The following SAMD12 variants were observed in gnomAD, a reference collection of about 807,000 sequenced individuals.
The protein encoded by SAMD12 is sterile alpha motif domain containing 12.
A neutral mutation model predicts 15.0 loss-of-function variants in SAMD12; 9 were observed. That is an observed-to-expected ratio of 0.60 (90% CI 0.36 to 1.05). The LOEUF is 1.05. Ranked by LOEUF, SAMD12 falls within the 50% of genes least tolerant of loss-of-function variation. The pLI is 0.01. For missense variants in SAMD12, 230 were observed against 234.2 expected (o/e 0.98, Z 0.12); for synonymous variants, 86 against 90.1 (o/e 0.96, Z 0.25).
chr8:118,537,590 A>AT lies in SAMD12; in HGVS notation c.192+43124dup, dbSNP rs538955479. ...CACTGATGCATTCTTCAGTATGTCA[A>AT]TTGCATTTTTCAGCTCCAAAATTTC... On this transcript the variant is annotated intron_variant, in intron 2 of 3. Coordinates refer to ENST00000314727, the MANE Select transcript of SAMD12 (RefSeq NM_207506.3). Among the ~76,000 whole-genome samples, 467 of 152,292 alleles carry AT rather than the reference A, an allele frequency of 3.1e-3. 3 individuals carry two copies. Among genetic ancestry groups the AT allele is most frequent in the African/African-American group, 0.011 (439 of 41,548 alleles).
At position 118,586,578 on chromosome 8, in the gene SAMD12, A is replaced by C. The variant is rs145958814; in HGVS notation, c.14-5685T>G. ...GGCTGGTCTTAGACTCCTGGGCTCA[A>C]GCGACCTGCCCACCTCGACCTCCCA... On this transcript the variant is annotated intron_variant, in intron 1 of 3. Coordinates refer to ENST00000314727, the MANE Select transcript of SAMD12 (RefSeq NM_207506.3). 1.6e-3 allele frequency among the ~76,000 whole-genome samples: 245 copies of C among 152,260 alleles called. 2 individuals carry two copies. Among genetic ancestry groups the C allele is most frequent in the Non-Finnish European group, 2.1e-4 (14 of 68,014 alleles).
intron 2 of SAMD12, among the ~76,000 whole-genome samples, chr8:118,461,118 A>G (rs1338229704): frequency 6.6e-6 from 1 of 152,194 alleles, no homozygotes; most frequent in African/African-American, 2.4e-5. Flanking sequence ...TTGTTCTCAC[A>G]GTTCTTGGTA....
intron 4 of SAMD12, among the ~76,000 whole-genome samples, chr8:118,337,000 G>C (rs1202418911): frequency 6.6e-6 from 1 of 152,046 alleles, no homozygotes; most frequent in African/African-American, 2.4e-5. Context: ...ATCACACACT[G>C]GGTCCTGTAG....
At chr8:118,526,460 A>T (rs911356484) in intron 2 of SAMD12, among the ~76,000 whole-genome samples, 1 of 152,080 alleles carries the variant, frequency 6.6e-6, no homozygotes, top group African/African-American at 2.4e-5. Context: ...TCTGGGATGA[A>T]GCCCAGAGAC....
rs531277684 is a variant in SAMD12, at chr8:118,379,226, A to G, written c.*191T>C. On this transcript the variant is annotated 3_prime_UTR_variant, in exon 4 of 4. Transcript: ENST00000314727. ...CAGTTGTGCAGGCTGCACATTATAC[A>G]ACTCTAGTGAGTGCAATCGTACCCT... is the stretch of plus-strand genomic sequence containing the variant. 1 of 1,409,504 alleles carries G rather than the reference A, an allele frequency of 7.1e-7. No homozygotes were observed. Among genetic ancestry groups the G allele is most frequent in the African/African-American group, 1.4e-5 (1 of 69,204 alleles). The allele number at this position is 1,409,504 out of a possible 1,614,324, so 87.3% of individuals were successfully genotyped here.
chr8:118,242,521 A>G (rs970386287), intron 4 of SAMD12, among the ~76,000 whole-genome samples: 4 of 152,148 alleles, frequency 2.6e-5, no homozygotes, highest in Non-Finnish European at 4.4e-5. Context: ...CTATTATATT[A>G]GTTGTTGTTA....
intron 1 of SAMD12, among the ~76,000 whole-genome samples, chr8:118,585,158 C>A (rs977481923): frequency 2.0e-5 from 3 of 152,136 alleles, no homozygotes; most frequent in African/African-American, 7.2e-5. Flanking sequence ...CATGCATGAA[C>A]CTTGAAGACA....
At chr8:118,290,525 C>A (rs1047933867) in intron 4 of SAMD12, among the ~76,000 whole-genome samples, 1 of 152,164 alleles carries the variant, frequency 6.6e-6, no homozygotes, top group African/African-American at 2.4e-5. Flanking sequence ...GCCAAGAAAT[C>A]ATATTAACCC....
chr8:118,266,639 T>C (rs1305214551), intron 4 of SAMD12, among the ~76,000 whole-genome samples: 1 of 152,158 alleles, frequency 6.6e-6, no homozygotes, highest in Non-Finnish European at 1.5e-5. Flanking sequence ...ATATGCACAA[T>C]GCAATCCTAT....
intron 1 of SAMD12, among the ~76,000 whole-genome samples, chr8:118,585,655 A>G (rs1827420827): frequency 6.6e-6 from 1 of 152,208 alleles, no homozygotes; most frequent in Non-Finnish European, 1.5e-5. Flanking sequence ...TTATAGCTCA[A>G]AAGTATGAGG....
Position 118,479,014 on chromosome 8 carries a change from G to A in SAMD12, c.193-39053C>T, listed in dbSNP as rs1343276615. Reference sequence around the variant, plus strand: ...CCCTCTGTCATTTGATGAACAGTTAGCAGTCAATACATTTGTAATTCTTTT... The same window carrying A: ...CCCTCTGTCATTTGATGAACAGTTAACAGTCAATACATTTGTAATTCTTTT... On this transcript the variant is annotated intron_variant, in intron 2 of 3. Coordinates refer to ENST00000314727, the MANE Select transcript of SAMD12 (RefSeq NM_207506.3). 3.9e-5 allele frequency among the ~76,000 whole-genome samples: 6 copies of A among 151,952 alleles called. No homozygotes were observed. The East Asian group carries it at 1.2e-3, about 29-fold the overall frequency.
chr8:118,448,019 C>G (rs1228453953), intron 2 of SAMD12, among the ~76,000 whole-genome samples: 2 of 152,092 alleles, frequency 1.3e-5, no homozygotes, highest in Admixed American at 1.3e-4. Context: ...TGAGCCACCG[C>G]GCCCAGCCTC....
chr8:118,327,862 A>G (rs1435114269), intron 4 of SAMD12, among the ~76,000 whole-genome samples: 10 of 152,158 alleles, frequency 6.6e-5, no homozygotes, highest in Non-Finnish European at 1.3e-4. Flanking sequence ...CATTCAGAAG[A>G]GGAATCTTGA....
At chr8:118,166,194 G>T in the SAMD12 span, among the ~76,000 whole-genome samples, 2 of 152,238 alleles carry the variant, frequency 1.3e-5, no homozygotes, top group East Asian at 1.9e-4. Context: ...GTCAAAAATG[G>T]ATATAAGGGG....
intron 2 of SAMD12, among the ~76,000 whole-genome samples, chr8:118,529,030 C>G (rs1825611512): frequency 6.6e-6 from 1 of 152,202 alleles, no homozygotes; most frequent in Admixed American, 6.5e-5. Flanking sequence ...GTGCCACTTC[C>G]TGGTCCTCTG....
At chr8:118,485,796 T>C (rs916406071) in intron 2 of SAMD12, among the ~76,000 whole-genome samples, 2 of 152,232 alleles carry the variant, frequency 1.3e-5, no homozygotes, top group Admixed American at 1.3e-4. Flanking sequence ...TACTCAATAT[T>C]GGTATGGCAA....
intron 2 of SAMD12, among the ~76,000 whole-genome samples, chr8:118,578,778 A>T (rs1009938825): frequency 6.6e-6 from 1 of 152,280 alleles, no homozygotes; most frequent in East Asian, 1.9e-4. Flanking sequence ...CAACTGGACA[A>T]ATTCTTTGTC....
intron 4 of SAMD12, among the ~76,000 whole-genome samples, chr8:118,223,229 C>A (rs1812118783): frequency 1.3e-5 from 2 of 152,166 alleles, no homozygotes; most frequent in Admixed American, 1.3e-4. Context: ...AACACAAACC[C>A]TTTTATCTTA....
intron 4 of SAMD12, among the ~76,000 whole-genome samples, chr8:118,208,572 C>G (rs1819932470): frequency 6.6e-6 from 1 of 152,198 alleles, no homozygotes; most frequent in Admixed American, 6.5e-5. Flanking sequence ...CCTATGTGAA[C>G]TGAACTATGT....
Sources: allele counts gnomAD v4.1 joint callset (sites outside exome capture counted in the v4.1 genomes callset), GRCh38; gene constraint gnomAD v4.1.1; transcripts MANE v1.5; gene names NCBI Gene and HGNC (gene_info 2026-07-23, HGNC 2026-07-21).